The following ZEB1 variants were observed in gnomAD, a reference collection of about 807,000 sequenced individuals.
ZEB1 encodes zinc finger E-box binding homeobox 1, also known as zinc finger E-box-binding homeobox 1.
A neutral mutation model predicts 84.9 loss-of-function variants in ZEB1; 21 were observed. The observed-to-expected ratio is 0.25, with a 90% CI of 0.18 to 0.36. ZEB1 has a LOEUF of 0.36. Ranked by LOEUF, ZEB1 falls within the 10% of genes least tolerant of loss-of-function variation. The probability of loss-of-function intolerance (pLI) is 1.00; values close to 1 mark genes in which losing one functional copy is unlikely to be tolerated. For synonymous variants in ZEB1, 420 were observed against 471.1 expected (o/e 0.89, Z 1.41); for missense variants, 1,104 against 1,330.2 (o/e 0.83, Z 2.65).
At chr10:31,359,336 A>G (rs1331498017) in intron 1 of ZEB1, among the ~76,000 whole-genome samples, 3 of 152,178 alleles carry the variant, frequency 2.0e-5, no homozygotes, top group African/African-American at 7.2e-5. Flanking sequence ...AAGTAAAATG[A>G]GAACTCTTAT....
intron 1 of ZEB1, among the ~76,000 whole-genome samples, chr10:31,347,833 A>T (rs901605252): frequency 6.6e-6 from 1 of 152,140 alleles, no homozygotes; most frequent in Non-Finnish European, 1.5e-5. Flanking sequence ...TATTGGGCAT[A>T]CCCTTTTAAG....
At chr10:31,506,143 T>C (rs2068942010) in intron 4 of ZEB1, among the ~76,000 whole-genome samples, 1 of 152,058 alleles carries the variant, frequency 6.6e-6, no homozygotes. Context: ...TTGATATGAT[T>C]TTGATTTTTA....
intron 2 of ZEB1, among the ~76,000 whole-genome samples, chr10:31,485,774 TACAC>T (rs147066136): frequency 6.6e-6 from 1 of 151,294 alleles, no homozygotes; most frequent in African/African-American, 2.4e-5. Flanking sequence ...TGAGCTTTAA[TACAC>T]ACACACACAA....
At chr10:31,388,227 T>A (rs1025986617) in intron 1 of ZEB1, among the ~76,000 whole-genome samples, 2 of 152,174 alleles carry the variant, frequency 1.3e-5, no homozygotes, top group African/African-American at 4.8e-5. Flanking sequence ...TAGATTGTAA[T>A]TCCCAGTATT....
chr10:31,358,927 T>C (rs2134024598), intron 1 of ZEB1, among the ~76,000 whole-genome samples: 1 of 152,362 alleles, frequency 6.6e-6, no homozygotes, highest in Non-Finnish European at 1.5e-5. Context: ...GTTCTCTCTT[T>C]GACTTTTTAT....
rs148245881 is a variant in ZEB1, at chr10:31,418,287, A to G, written c.59-42750A>G. On this transcript the variant is annotated intron_variant, in intron 1 of 8. Transcript: ENST00000424869. ...GCAGGAGGATTCCTGCAAGGGGAAT[A>G]TGAACAAATACCCAGTGGCAAAAAC... 1.2e-4 allele frequency among the ~76,000 whole-genome samples: 18 copies of G among 152,050 alleles called. No individual in the cohort carries two copies. The East Asian group carries it at 2.5e-3, about 21-fold the overall frequency.
chr10:31,353,310 C>T (rs577585240), intron 1 of ZEB1, among the ~76,000 whole-genome samples: 45 of 152,300 alleles, frequency 3.0e-4, no homozygotes, highest in Admixed American at 2.4e-3. Flanking sequence ...AAGTCTTTGT[C>T]TTACCAAGAT....
chr10:31,372,705 A>C (rs758428266), intron 1 of ZEB1, among the ~76,000 whole-genome samples: 14 of 152,076 alleles, frequency 9.2e-5, no homozygotes, highest in Non-Finnish European at 2.1e-4. Context: ...AGGTGAAGGC[A>C]GTGCTTGACA....
intron 1 of ZEB1, among the ~76,000 whole-genome samples, chr10:31,414,309 T>C (rs1262089418): frequency 6.6e-6 from 1 of 152,198 alleles, no homozygotes; most frequent in Non-Finnish European, 1.5e-5. Flanking sequence ...GGTAGTAATT[T>C]AATGAAAAAA....
At chr10:31,492,839 A>G (rs2066721053) in intron 2 of ZEB1, among the ~76,000 whole-genome samples, 2 of 151,968 alleles carry the variant, frequency 1.3e-5, no homozygotes, top group Non-Finnish European at 2.9e-5. Context: ...TTTATTTACT[A>G]GGAATTTCAT....
At position 31,527,410 on chromosome 10, in the gene ZEB1, AAAAC is replaced by A; in HGVS notation, c.*148_*151del. Reference sequence around the variant, plus strand: ...TAAAAACTAAAAAAATACAAAATACAAAACACACACACACACACACACACACACA... The same window carrying A: ...TAAAAACTAAAAAAATACAAAATACAACACACACACACACACACACACACA... On this transcript the variant is annotated 3_prime_UTR_variant, in exon 9 of 9. Coordinates refer to ENST00000424869, the MANE Select transcript of ZEB1 (RefSeq NM_001174096.2). 1.3e-6 allele frequency: 1 copy of A among 775,866 alleles called. No homozygotes were observed. Among genetic ancestry groups the A allele is most frequent in the Non-Finnish European group, 1.9e-6 (1 of 513,270 alleles). The allele number at this position is 775,866 out of a possible 1,614,324, so 48.1% of individuals were successfully genotyped here.
intron 1 of ZEB1, among the ~76,000 whole-genome samples, chr10:31,438,049 TTGAC>T (rs2058485320): frequency 1.3e-5 from 2 of 152,196 alleles, no homozygotes; most frequent in Non-Finnish European, 2.9e-5. Context: ...ATTTAAATAA[TTGAC>T]TGTGTGTTTG....
At chr10:31,511,731 C>G (rs774275098) in intron 5 of ZEB1, among the ~76,000 whole-genome samples, 7 of 152,150 alleles carry the variant, frequency 4.6e-5, no homozygotes, top group African/African-American at 9.7e-5. Context: ...CATACCTGAA[C>G]TCTGCCCTAT....
chr10:31,410,142 G>A (rs546720748), intron 1 of ZEB1, among the ~76,000 whole-genome samples: 3 of 152,264 alleles, frequency 2.0e-5, no homozygotes, highest in Admixed American at 6.5e-5. Flanking sequence ...ATTGGCTGTG[G>A]GTTTGTCATA....
chr10:31,452,742 T>TGAGAGAGAGAGAGA (rs35403055), intron 1 of ZEB1, among the ~76,000 whole-genome samples: 28 of 90,796 alleles, frequency 3.1e-4, no homozygotes, highest in African/African-American at 1.4e-3. Flanking sequence ...TGTGTGTGTG[T>TGAGAGAGAGAGAGA]GAGAGAGAGA....
At chr10:31,490,112 T>G (rs2066319677) in intron 2 of ZEB1, among the ~76,000 whole-genome samples, 1 of 151,528 alleles carries the variant, frequency 6.6e-6, no homozygotes, top group Non-Finnish European at 1.5e-5. Flanking sequence ...TTTAGTATTT[T>G]TTTAAACTAG....
At chr10:31,390,024 G>A (rs1426332704) in intron 1 of ZEB1, among the ~76,000 whole-genome samples, 2 of 152,004 alleles carry the variant, frequency 1.3e-5, no homozygotes, top group Non-Finnish European at 2.9e-5. Flanking sequence ...ATGACCCTGC[G>A]AACTCCCCTT....
At chr10:31,518,325 C>A (rs544353428) in intron 6 of ZEB1, among the ~76,000 whole-genome samples, 1 of 152,140 alleles carries the variant, frequency 6.6e-6, no homozygotes, top group South Asian at 2.1e-4. Flanking sequence ...TTTGAAGGAC[C>A]TAGGTATATT....
At chr10:31,415,438 T>C (rs981483736) in intron 1 of ZEB1, among the ~76,000 whole-genome samples, 2 of 152,104 alleles carry the variant, frequency 1.3e-5, no homozygotes, top group African/African-American at 4.8e-5. Context: ...CTATGGGTGG[T>C]GGAATCACAT....
Sources: allele counts gnomAD v4.1 joint callset (sites outside exome capture counted in the v4.1 genomes callset), GRCh38; gene constraint gnomAD v4.1.1; transcripts MANE v1.5; gene names NCBI Gene and HGNC (gene_info 2026-07-23, HGNC 2026-07-21).